PPP2R3A: variants seen among roughly 807,000 people sequenced by gnomAD.
PPP2R3A encodes protein phosphatase 2 regulatory subunit B''alpha.
PPP2R3A carries 80 observed loss-of-function variants against 106.9 expected under a neutral mutation model. The observed-to-expected ratio is 0.75, with a 90% CI of 0.62 to 0.90. The LOEUF (loss-of-function observed/expected upper bound fraction) is 0.90, where lower values mean the gene tolerates loss of function less well. PPP2R3A is among the 40% of genes least tolerant of loss of function. PPP2R3A has a pLI of 0.00. For synonymous variants in PPP2R3A, 483 were observed against 468.3 expected, an observed-to-expected ratio of 1.03 and a Z score of -0.41; for missense variants, 1,386 against 1,350.4, an observed-to-expected ratio of 1.03 and a Z score of -0.41.
At chr3:135,967,608 C>T (rs1937123985) in intron 1 of PPP2R3A, among the ~76,000 whole-genome samples, 1 of 152,156 alleles carries the variant, frequency 6.6e-6, no homozygotes, top group Non-Finnish European at 1.5e-5. Flanking sequence ...CTTTTAAACT[C>T]TTCAGAGACT....
Position 136,027,051 on chromosome 3 carries a change from A to G in PPP2R3A, c.2215A>G (p.Ile739Val), listed in dbSNP as rs1452664857. ...CAGAATTGAAACTGCTTTCATGGAT[A>G]TTGAAGAACAGAAAGCAGACATTTA... The part of the protein sequence containing the change: ...LSRIETAFMD[I>V]EEQKADIYEM... The change falls in exon 3 of 14, where the codon ATT becomes GTT. Residue 739 changes from isoleucine (I) to valine (V), a missense_variant. Physicochemically the swap from Ile to Val is conservative, Grantham distance 29 (BLOSUM62 3). Coordinates refer to ENST00000264977, the MANE Select transcript of PPP2R3A (RefSeq NM_002718.5). 4 of 1,613,504 alleles carry G rather than the reference A, an allele frequency of 2.5e-6. No individual in the cohort carries two copies. In the East Asian group the frequency reaches 6.7e-5, roughly 27 times the overall value.
chr3:136,114,874 C>A (rs1288285412), intron 13 of PPP2R3A, among the ~76,000 whole-genome samples: 1 of 152,162 alleles, frequency 6.6e-6, no homozygotes, highest in African/African-American at 2.4e-5. Flanking sequence ...ACTTAAACAT[C>A]CCTGCCTGAT....
Position 136,013,157 on chromosome 3 carries a change from GGTGTGTGT to G in PPP2R3A, c.1995+9683_1995+9690del, listed in dbSNP as rs773969022. On this transcript the variant is annotated intron_variant, in intron 2 of 13. Coordinates refer to ENST00000264977, the MANE Select transcript of PPP2R3A (RefSeq NM_002718.5). ...TTTTTATGGCTGAATAGTATTCCAT[GGTGTGTGT>G]GTGTGTGTGTGTGTGTGTATGTATG... Among the ~76,000 whole-genome samples the G allele has an allele frequency of 3.6e-5, 5 of 139,708 alleles. No individual in the cohort carries two copies. In the South Asian group the frequency reaches 1.2e-3, roughly 33 times the overall value. The allele number at this position is 139,708 out of a possible 152,430, so 91.7% of individuals were successfully genotyped here.
chr3:136,087,663 A>C lies in PPP2R3A; in HGVS notation c.2789-220A>C, dbSNP rs112849164. 1,513 of 406,500 alleles carry C rather than the reference A, an allele frequency of 3.7e-3. 22 individuals carry two copies. The highest frequency in any genetic ancestry group is 0.024 in the African/African-American group (1,191 of 49,000). The allele number at this position is 406,500 out of a possible 1,614,324, so 25.2% of individuals were successfully genotyped here. A position where few individuals can be genotyped will look rare whatever the true frequency, so the allele number is the denominator to read the frequency against. The stretch of plus-strand genomic sequence containing the variant: ...GATGTTCAGACCTAACTTAGCATTC[A>C]ACTATATTAATACTTCCCAGATGTC... On this transcript the variant is annotated intron_variant, in intron 8 of 13. Coordinates refer to ENST00000264977, the MANE Select transcript of PPP2R3A (RefSeq NM_002718.5).
Position 136,023,259 on chromosome 3 carries a change from A to G in PPP2R3A, c.1996-3573A>G, listed in dbSNP as rs980832726. On this transcript the variant is annotated intron_variant, in intron 2 of 13. Transcript: ENST00000264977. ...TTTGTTTTGTTTTGAAAATATTTTT[A>G]TTACTAATAAAACCATCCAGTGAAC... 4.1e-5 allele frequency: 61 copies of G among 1,470,374 alleles called. 1 individual carries two copies. Among genetic ancestry groups the G allele is most frequent in the South Asian group, 3.2e-4 (26 of 81,534 alleles). The allele number at this position is 1,470,374 out of a possible 1,614,324, so 91.1% of individuals were successfully genotyped here.
At chr3:136,132,724 G>T (rs898098559) in intron 13 of PPP2R3A, among the ~76,000 whole-genome samples, 2 of 151,672 alleles carry the variant, frequency 1.3e-5, no homozygotes, top group East Asian at 3.9e-4. Flanking sequence ...TCAAAATCCC[G>T]GCAGACTTTT....
chr3:136,005,336 T>C (rs926782271), intron 2 of PPP2R3A, among the ~76,000 whole-genome samples: 3 of 152,208 alleles, frequency 2.0e-5, no homozygotes, highest in Non-Finnish European at 4.4e-5. Flanking sequence ...CTTCTAGTCA[T>C]GAGCATTTTG....
chr3:136,124,810 GA>G (rs1369629479), intron 13 of PPP2R3A, among the ~76,000 whole-genome samples: 1 of 152,030 alleles, frequency 6.6e-6, no homozygotes, highest in Non-Finnish European at 1.5e-5. Context: ...AGGAATGGAA[GA>G]GGAAACATCA....
chr3:136,052,231 C>T (rs1040603302), intron 5 of PPP2R3A, among the ~76,000 whole-genome samples: 2 of 152,192 alleles, frequency 1.3e-5, no homozygotes, highest in African/African-American at 4.8e-5. Context: ...CTACAAAGTG[C>T]GTCTTTGGGG....
chr3:135,973,496 C>T (rs923868116), intron 1 of PPP2R3A, among the ~76,000 whole-genome samples: 3 of 152,084 alleles, frequency 2.0e-5, no homozygotes, highest in Non-Finnish European at 4.4e-5. Context: ...AGTCACAGGG[C>T]CCCAGATGCA....
intron 1 of PPP2R3A, among the ~76,000 whole-genome samples, chr3:135,974,946 G>T (rs1056328421): frequency 2.0e-5 from 3 of 152,164 alleles, no homozygotes; most frequent in African/African-American, 7.2e-5. Context: ...TTTGTAGATC[G>T]TAGGCATATT....
chr3:136,032,918 G>A (rs1934957867), intron 3 of PPP2R3A, among the ~76,000 whole-genome samples: 1 of 152,190 alleles, frequency 6.6e-6, no homozygotes, highest in African/African-American at 2.4e-5. Flanking sequence ...CTATGTTGAA[G>A]AAGAGTAGTA....
chr3:136,002,748 T>C lies in PPP2R3A; in HGVS notation c.1250T>C (p.Ile417Thr). 1 of 1,612,660 alleles carries C rather than the reference T, an allele frequency of 6.2e-7. No homozygotes were observed. Among genetic ancestry groups the C allele is most frequent in the South Asian group, 1.1e-5 (1 of 90,788 alleles). Residue 417 changes from isoleucine to threonine, a missense_variant, in exon 2 of 14, where the codon ATT becomes ACT. Ile to Thr is a moderately conservative substitution (Grantham distance 89). Coordinates refer to ENST00000264977, the MANE Select transcript of PPP2R3A (RefSeq NM_002718.5). ...SSDDLMETLY[I>T]EEESDGKKAL... ...GACGACTTAATGGAAACTCTTTATATTGAAGAAGAGTCAGATGGAAAGAAA... is the reference window on the plus strand; with the variant it reads ...GACGACTTAATGGAAACTCTTTATACTGAAGAAGAGTCAGATGGAAAGAAA...
intron 13 of PPP2R3A, among the ~76,000 whole-genome samples, chr3:136,108,701 T>G (rs1937553172): frequency 6.6e-6 from 1 of 151,242 alleles, no homozygotes; most frequent in South Asian, 2.1e-4. Flanking sequence ...ATCATTGGGT[T>G]TTTTTTTTCC....
At chr3:136,140,841 C>T (rs1204358807) in intron 13 of PPP2R3A, among the ~76,000 whole-genome samples, 7 of 151,926 alleles carry the variant, frequency 4.6e-5, no homozygotes, top group African/African-American at 1.5e-4. Flanking sequence ...ACCTGGGAGG[C>T]GGAGGGTGCA....
intron 3 of PPP2R3A, among the ~76,000 whole-genome samples, chr3:136,028,464 G>A (rs991361834): frequency 6.6e-6 from 1 of 152,100 alleles, no homozygotes; most frequent in African/African-American, 2.4e-5. Context: ...ACTTATGAGG[G>A]AACTGCAGTT....
At chr3:136,032,022 T>G (rs1336088328) in intron 3 of PPP2R3A, among the ~76,000 whole-genome samples, 1 of 152,206 alleles carries the variant, frequency 6.6e-6, no homozygotes, top group African/African-American at 2.4e-5. Flanking sequence ...TTAGAATTGT[T>G]TTTTCTAATT....
At chr3:135,968,215 T>C (rs1413106261) in intron 1 of PPP2R3A, among the ~76,000 whole-genome samples, 3 of 152,236 alleles carry the variant, frequency 2.0e-5, no homozygotes, top group East Asian at 1.9e-4. Context: ...CAACTTTGCA[T>C]GCCTGGACCT....
Position 136,102,091 on chromosome 3 carries a change from G to C in PPP2R3A, c.3012G>C (p.Gln1004His), listed in dbSNP as rs1276365174. 1.2e-6 allele frequency: 2 copies of C among 1,613,990 alleles called. No homozygotes were observed. The highest frequency in any genetic ancestry group is 1.3e-5 in the African/African-American group (1 of 74,916). ...MYELEYFYEE[Q>H]CERMEAMGIE... ...AGCTGGAGTACTTCTATGAGGAGCA[G>C]TGTGAACGGATGGAAGCCATGGGAA... is the stretch of plus-strand genomic sequence containing the variant. Residue 1004 changes from glutamine (Q) to histidine (H), a missense_variant, in exon 11 of 14, where the codon CAG (glutamine) becomes CAC (histidine). Coordinates refer to ENST00000264977, the MANE Select transcript of PPP2R3A (RefSeq NM_002718.5).
Sources: allele counts gnomAD v4.1 joint callset (sites outside exome capture counted in the v4.1 genomes callset), GRCh38; gene constraint gnomAD v4.1.1; transcripts MANE v1.5; gene names NCBI Gene and HGNC (gene_info 2026-07-23, HGNC 2026-07-21).